NKAIN3: variants seen among roughly 807,000 people sequenced by gnomAD.
The protein encoded by NKAIN3 is sodium/potassium transporting ATPase interacting 3, also known as sodium/potassium-transporting ATPase subunit beta-1-interacting protein 3.
NKAIN3 carries 25 observed loss-of-function variants against 30.2 expected under a neutral mutation model. That is an observed-to-expected ratio of 0.83 (90% CI 0.60 to 1.16). The LOEUF (loss-of-function observed/expected upper bound fraction) is 1.16. NKAIN3 is among the 50% of genes most tolerant of loss of function. The probability of loss-of-function intolerance (pLI) is 0.00; values close to 1 mark genes in which losing one functional copy is unlikely to be tolerated. For synonymous variants in NKAIN3, 91 were observed against 89.6 expected (o/e 1.02, Z -0.09); for missense variants, 225 against 254.1 (o/e 0.89, Z 0.78).
chr8:62,909,854 A>T (rs1433127638), intron 4 of NKAIN3, among the ~76,000 whole-genome samples: 2 of 152,174 alleles, frequency 1.3e-5, no homozygotes, highest in Non-Finnish European at 2.9e-5. Flanking sequence ...TATTTCTAGT[A>T]TGGCATGTCA....
At chr8:62,463,254 T>C (rs1358873671) in intron 1 of NKAIN3, among the ~76,000 whole-genome samples, 3 of 152,206 alleles carry the variant, frequency 2.0e-5, no homozygotes, top group Admixed American at 6.5e-5. Flanking sequence ...TAAGAGACTA[T>C]AGTAAATTTT....
chr8:62,434,432 G>A (rs749473114), intron 1 of NKAIN3, among the ~76,000 whole-genome samples: 1 of 152,146 alleles, frequency 6.6e-6, no homozygotes, highest in Non-Finnish European at 1.5e-5. Context: ...GGTCCTGCGA[G>A]GCAGGAGGAT....
chr8:62,421,007 C>T (rs1391832300), intron 1 of NKAIN3, among the ~76,000 whole-genome samples: 3 of 152,178 alleles, frequency 2.0e-5, no homozygotes, highest in African/African-American at 7.2e-5. Flanking sequence ...GGGTCTTAAA[C>T]ATGGCAGATA....
At chr8:62,825,929 A>G (rs1308120240) in intron 4 of NKAIN3, among the ~76,000 whole-genome samples, 5 of 152,192 alleles carry the variant, frequency 3.3e-5, no homozygotes, top group African/African-American at 1.2e-4. Flanking sequence ...AGGGCACCGC[A>G]GCAGCCATGC....
At chr8:62,999,255 C>G in exon 6 of NKAIN3, 1 of 152,198 alleles carries the variant, frequency 6.6e-6, no homozygotes, top group East Asian at 1.9e-4. Context: ...ATGGTGCCGG[C>G]ACCTGCTCAG....
intron 1 of NKAIN3, among the ~76,000 whole-genome samples, chr8:62,454,243 GAGA>G (rs758828620): frequency 3.0e-5 from 4 of 132,886 alleles, no homozygotes; most frequent in Non-Finnish European, 6.2e-5. Flanking sequence ...GCCACATTGG[GAGA>G]AGAATTGTCT....
At chr8:62,880,519 T>C (rs749424624) in intron 4 of NKAIN3, among the ~76,000 whole-genome samples, 1 of 152,216 alleles carries the variant, frequency 6.6e-6, no homozygotes, top group Non-Finnish European at 1.5e-5. Context: ...AAGTGTGGGA[T>C]GAGAAGAGAT....
chr8:62,949,028 C>T (rs16929916), intron 5 of NKAIN3, among the ~76,000 whole-genome samples: 47,386 of 152,132 alleles, frequency 0.31, 7,924 homozygotes, highest in African/African-American at 0.41. Flanking sequence ...TAGACTGCCT[C>T]TGAGGAGCAC....
intron 4 of NKAIN3, among the ~76,000 whole-genome samples, chr8:62,799,976 C>T (rs983623164): frequency 6.6e-6 from 1 of 152,132 alleles, no homozygotes; most frequent in Non-Finnish European, 1.5e-5. Flanking sequence ...CATATGTTCT[C>T]ACTCATGAGT....
chr8:62,376,241 A>G (rs1224265149), intron 1 of NKAIN3, among the ~76,000 whole-genome samples: 1 of 152,194 alleles, frequency 6.6e-6, no homozygotes, highest in Non-Finnish European at 1.5e-5. Context: ...ACTATGGTGT[A>G]TGAATGGGAT....
chr8:62,730,414 A>G (rs896092975), intron 3 of NKAIN3, among the ~76,000 whole-genome samples: 4 of 152,024 alleles, frequency 2.6e-5, no homozygotes, highest in Non-Finnish European at 2.9e-5. Context: ...TAGTCTTTAA[A>G]AATTTTTAAA....
chr8:62,753,535 T>C (rs549877685), intron 4 of NKAIN3, among the ~76,000 whole-genome samples: 1 of 152,230 alleles, frequency 6.6e-6, no homozygotes, highest in African/African-American at 2.4e-5. Flanking sequence ...AACAAATGTG[T>C]TCACATAAGG....
At chr8:62,291,798 A>C (rs952745310) in intron 1 of NKAIN3, among the ~76,000 whole-genome samples, 1 of 151,678 alleles carries the variant, frequency 6.6e-6, no homozygotes, top group African/African-American at 2.4e-5. Flanking sequence ...TCTTTTTTAC[A>C]TTCTGTCTCG....
chr8:62,856,868 T>G, intron 4 of NKAIN3: 1 of 592,212 alleles, frequency 1.7e-6, no homozygotes, highest in South Asian at 1.7e-5. Context: ...ATGATCTTAC[T>G]GATGTACACA....
At chr8:62,748,347 A>G (rs7018011) in intron 4 of NKAIN3, among the ~76,000 whole-genome samples, 76,397 of 150,814 alleles carry the variant, frequency 0.51, 22,350 homozygotes, top group Non-Finnish European at 0.67. Context: ...CTTTCTGGGA[A>G]AAAAAAAAAA....
At chr8:62,839,375 A>C (rs1241243100) in intron 4 of NKAIN3, among the ~76,000 whole-genome samples, 1 of 151,912 alleles carries the variant, frequency 6.6e-6, no homozygotes, top group Non-Finnish European at 1.5e-5. Flanking sequence ...TCTCTATCAA[A>C]CAAATTTGGA....
intron 1 of NKAIN3, among the ~76,000 whole-genome samples, chr8:62,283,079 T>C (rs552215080): frequency 1.1e-4 from 17 of 152,288 alleles, no homozygotes; most frequent in Admixed American, 6.5e-4. Context: ...AATTGTTAAA[T>C]AAAAGAATGG....
At chr8:62,880,752 C>T (rs1312997994) in intron 4 of NKAIN3, among the ~76,000 whole-genome samples, 1 of 152,180 alleles carries the variant, frequency 6.6e-6, no homozygotes, top group Non-Finnish European at 1.5e-5. Flanking sequence ...TCCTATTCCA[C>T]ATAACTTTAT....
intron 5 of NKAIN3, among the ~76,000 whole-genome samples, chr8:62,991,816 A>T (rs549614046): frequency 2.0e-5 from 3 of 152,314 alleles, no homozygotes; most frequent in Admixed American, 6.5e-5. Flanking sequence ...GAACTCTTTA[A>T]TTGAACGTGT....
Sources: gnomAD v4.1 joint callset for allele counts (sites outside exome capture counted in the v4.1 genomes callset) on GRCh38, gnomAD v4.1.1 for gene constraint, MANE v1.5 for transcripts, NCBI Gene and HGNC (gene_info 2026-07-23, HGNC 2026-07-21) for gene names.